The following CCDC57 variants were observed in gnomAD, a reference collection of about 807,000 sequenced individuals.
The protein encoded by CCDC57 is coiled-coil domain-containing protein 57.
In CCDC57, 118 loss-of-function variants were observed where a neutral mutation model predicts 118.9. That is an observed-to-expected ratio of 0.99 (90% CI 0.86 to 1.16). The LOEUF (loss-of-function observed/expected upper bound fraction) is 1.16, where lower values mean the gene tolerates loss of function less well. Ranked by LOEUF, CCDC57 falls within the 50% of genes most tolerant of loss-of-function variation. CCDC57 has a pLI of 0.00. For synonymous variants in CCDC57, 527 were observed against 532.9 expected (o/e 0.99, Z 0.15); for missense variants, 1,300 against 1,320.7 (o/e 0.98, Z 0.24).
Position 82,101,604 on chromosome 17 carries a change from C to T in CCDC57, c.*78G>A, listed in dbSNP as rs144548388. On this transcript the variant is annotated 3_prime_UTR_variant, in exon 20 of 20. Coordinates refer to ENST00000665763, the Ensembl canonical transcript of CCDC57. ...CCTGCACGCTGTGCCCACACCCCCCCACAACACGTAGGTGAAAGCACAGGC... is the reference window on the plus strand; with the variant it reads ...CCTGCACGCTGTGCCCACACCCCCCTACAACACGTAGGTGAAAGCACAGGC... 30 of 1,255,870 alleles carry T rather than the reference C, an allele frequency of 2.4e-5. No individual in the cohort carries two copies. The East Asian group carries it at 6.7e-4, about 28-fold the overall frequency. 77.8% of individuals were successfully genotyped at this position (1,255,870 alleles called of 1,614,324 possible).
In CCDC57 at chr17:82,192,248, G is replaced by A. The variant is rs2047760157; in HGVS notation, c.851+1508C>T. Among the ~76,000 whole-genome samples the A allele has an allele frequency of 6.6e-6, 1 of 152,136 alleles. No individual in the cohort carries two copies. Among genetic ancestry groups the A allele is most frequent in the Non-Finnish European group, 1.5e-5 (1 of 68,026 alleles). ...GATCCCCCTGACTCAGCCTCCCAAA[G>A]TGCTGTGTGATTATTTTAATGACAT... On this transcript the variant is annotated intron_variant, in intron 7 of 19. Transcript: ENST00000665763. This position sits in a 1 kb window ranked among gnomAD's most constrained non-coding sequence, Gnocchi z 4.0.
chr17:82,131,005 G>A (rs947307188), intron 17 of CCDC57, among the ~76,000 whole-genome samples: 3 of 150,940 alleles, frequency 2.0e-5, no homozygotes, highest in Admixed American at 2.0e-4. Flanking sequence ...TAGAGACGAG[G>A]TTTTGCCATG....
chr17:82,205,947 G>A (rs895073329), intron 2 of CCDC57, among the ~76,000 whole-genome samples: 1 of 152,220 alleles, frequency 6.6e-6, no homozygotes, highest in Non-Finnish European at 1.5e-5. Flanking sequence ...CCCATCTCGG[G>A]ATGATCCCCA....
In CCDC57 at chr17:82,172,618, CG is replaced by C. The variant is rs1568355296; in HGVS notation, c.1729+19del. 6.5e-7 allele frequency: 1 copy of C among 1,546,548 alleles called. No individual in the cohort carries two copies. Among genetic ancestry groups the C allele is most frequent in the Non-Finnish European group, 8.7e-7 (1 of 1,143,956 alleles). On this transcript the variant is annotated intron_variant, in intron 12 of 19. Transcript: ENST00000665763. This position sits in a 1 kb window ranked among gnomAD's most constrained non-coding sequence, Gnocchi z 5.2. The stretch of plus-strand genomic sequence containing the variant: ...CTCCCCCTTCCTCTCCCGCTCTGTC[CG>C]TTTCTCCCACTTACTCACCAGGAGT...
chr17:82,127,729 G>T, exon 19 of CCDC57: 1 of 1,610,764 alleles, frequency 6.2e-7, no homozygotes. Context: ...CACCAGAAGG[G>T]CTGGATCCCA....
intron 13 of CCDC57, among the ~76,000 whole-genome samples, chr17:82,167,237 C>T (rs140897808): frequency 1.3e-4 from 19 of 151,960 alleles, no homozygotes; most frequent in African/African-American, 4.3e-4. Context: ...TGAATGAAAA[C>T]TTCTGAAATT....
intron 14 of CCDC57, among the ~76,000 whole-genome samples, chr17:82,161,181 C>T (rs2043285904): frequency 6.6e-6 from 1 of 152,180 alleles, no homozygotes; most frequent in African/African-American, 2.4e-5. Flanking sequence ...ACCAGGATGC[C>T]TAGCATCACA....
intron 9 of CCDC57, among the ~76,000 whole-genome samples, chr17:82,183,335 G>A (rs138132337): frequency 2.0e-5 from 3 of 152,174 alleles, no homozygotes; most frequent in Non-Finnish European, 2.9e-5. Flanking sequence ...CAAGACAGAC[G>A]AGGAGATTCT....
chr17:82,109,623 T>A (rs146219908), intron 19 of CCDC57, among the ~76,000 whole-genome samples: 1,542 of 152,188 alleles, frequency 0.01, 24 homozygotes, highest in African/African-American at 0.036. Context: ...TTTGGGAGGC[T>A]GAGGCAGGTG....
intron 5 of CCDC57, 66 bp from the exon 5 acceptor site, chr17:82,194,205 C>T (rs2048023055): frequency 1.3e-6 from 2 of 1,499,920 alleles, no homozygotes; most frequent in Non-Finnish European, 1.8e-6. Context: ...ATTAGGGGTA[C>T]ATACTGCTGT....
chr17:82,179,688 G>GA (rs2045963955), intron 9 of CCDC57, among the ~76,000 whole-genome samples: 1 of 152,106 alleles, frequency 6.6e-6, no homozygotes, highest in African/African-American at 2.4e-5. Flanking sequence ...GGGAACGCAG[G>GA]AACCCGGGGG....
At chr17:82,125,779 G>A (rs2037335581) in intron 19 of CCDC57, among the ~76,000 whole-genome samples, 1 of 152,194 alleles carries the variant, frequency 6.6e-6, no homozygotes, top group African/African-American at 2.4e-5. Context: ...TCCTACATCA[G>A]CCAGACATGT....
chr17:82,120,822 C>G lies in CCDC57; in HGVS notation c.2899+6870G>C, dbSNP rs539273466. Among the ~76,000 whole-genome samples, 3 of 152,216 alleles carry G rather than the reference C, an allele frequency of 2.0e-5. No homozygotes were observed. In the East Asian group the frequency reaches 5.8e-4, roughly 29 times the overall value. The stretch of plus-strand genomic sequence containing the variant: ...CCAGGCTGGAGTGCAGTGGTGCAAC[C>G]TCGGCTCACTGCAAGCTCCGCCTCT... On this transcript the variant is annotated intron_variant, in intron 19 of 19. Coordinates refer to ENST00000665763, the Ensembl canonical transcript of CCDC57.
chr17:82,184,005 G>C (rs2046533158), intron 8 of CCDC57, 73 bp from the exon 8 acceptor site: 15 of 975,370 alleles, frequency 1.5e-5, no homozygotes, highest in Non-Finnish European at 1.8e-5. Flanking sequence ...GCACCCCCCA[G>C]CAAATACACA....
intron 13 of CCDC57, among the ~76,000 whole-genome samples, chr17:82,170,911 A>G (rs577877462): frequency 8.3e-4 from 126 of 152,394 alleles, no homozygotes; most frequent in Middle Eastern, 3.4e-3. Flanking sequence ...ATGCAGCACC[A>G]CGGCTACCTC....
At chr17:82,146,070 T>A (rs145659253) in intron 16 of CCDC57, among the ~76,000 whole-genome samples, 1 of 152,154 alleles carries the variant, frequency 6.6e-6, no homozygotes, top group African/African-American at 2.4e-5. Flanking sequence ...GGTGAGGACA[T>A]GCACTGAGGC....
chr17:82,101,891 G>A (rs759111171), intron 19 of CCDC57, 25 bp from the exon 19 acceptor site: 1 of 1,540,316 alleles, frequency 6.5e-7, no homozygotes, highest in South Asian at 1.2e-5. Context: ...GGAAAAAACA[G>A]CATGCATCAG....
At chr17:82,146,532 A>G (rs1189921505) in intron 16 of CCDC57, among the ~76,000 whole-genome samples, 1 of 152,046 alleles carries the variant, frequency 6.6e-6, no homozygotes, top group Admixed American at 6.5e-5. Flanking sequence ...GACACACAAC[A>G]CCATGCCCAG....
At chr17:82,202,188 C>T (rs558467481) in intron 2 of CCDC57, among the ~76,000 whole-genome samples, 8 of 152,078 alleles carry the variant, frequency 5.3e-5, no homozygotes, top group South Asian at 4.2e-4. Context: ...AAAATTAGGC[C>T]GGGTGCAGTG....
Sources: allele counts gnomAD v4.1 joint callset (sites outside exome capture counted in the v4.1 genomes callset), GRCh38; gene constraint gnomAD v4.1.1; non-coding constraint Gnocchi (gnomAD v3.1); transcripts MANE v1.5; gene names NCBI Gene and HGNC (gene_info 2026-07-23, HGNC 2026-07-21).